PCDH15: variants seen among roughly 807,000 people sequenced by gnomAD.
The protein encoded by PCDH15 is protocadherin-15.
PCDH15 carries 129 observed loss-of-function variants against 178.5 expected under a neutral mutation model. That is an observed-to-expected ratio of 0.72 (90% CI 0.63 to 0.84). The LOEUF is 0.84. Among genes scored for constraint, PCDH15 ranks in the 40% least tolerant of loss-of-function variants. The probability of loss-of-function intolerance (pLI) is 0.00; values close to 1 mark genes in which losing one functional copy is unlikely to be tolerated. For synonymous variants in PCDH15, 800 were observed against 732.0 expected (o/e 1.09, Z -1.50); for missense variants, 2,230 against 2,099.9 (o/e 1.06, Z -1.21).
At position 54,229,808 on chromosome 10, in the gene PCDH15, C is replaced by T. The variant is rs560445255; in HGVS notation, c.985+7015G>A. Among the ~76,000 whole-genome samples the T allele has an allele frequency of 7.9e-5, 12 of 152,152 alleles. No individual in the cohort carries two copies. In the East Asian group the frequency reaches 1.9e-3, roughly 24 times the overall value. On this transcript the variant is annotated intron_variant, in intron 9 of 37. Coordinates refer to ENST00000644397, the MANE Select transcript of PCDH15 (RefSeq NM_001384140.1). ...TATGTCTTTATCAGCAGCATGAAAA[C>T]GGAATAATATACTAACATACACACA...
intron 2 of PCDH15, among the ~76,000 whole-genome samples, chr10:54,634,839 T>C (rs1363725843): frequency 6.6e-6 from 1 of 151,984 alleles, no homozygotes; most frequent in Non-Finnish European, 1.5e-5. Flanking sequence ...TTATCCATGC[T>C]CCTAAAATGC....
intron 8 of PCDH15, among the ~76,000 whole-genome samples, chr10:54,303,393 T>G (rs1010949422): frequency 7.2e-5 from 11 of 152,186 alleles, no homozygotes; most frequent in Admixed American, 2.0e-4. Context: ...ATCCCATATG[T>G]ACATATATAT....
intron 2 of PCDH15, among the ~76,000 whole-genome samples, chr10:55,432,351 G>T (rs949120748): frequency 6.6e-6 from 1 of 152,160 alleles, no homozygotes; most frequent in Admixed American, 6.5e-5. Context: ...TGTTTTAATA[G>T]ATTTTGATTT....
At chr10:54,038,980 G>A (rs1261177591) in intron 18 of PCDH15, among the ~76,000 whole-genome samples, 1 of 151,866 alleles carries the variant, frequency 6.6e-6, no homozygotes, top group East Asian at 1.9e-4. Flanking sequence ...TTCCACCCCT[G>A]TGCCCAGAGA....
At chr10:55,528,642 T>C (rs1433666885) in intron 2 of PCDH15, among the ~76,000 whole-genome samples, 2 of 152,128 alleles carry the variant, frequency 1.3e-5, no homozygotes, top group Non-Finnish European at 2.9e-5. Flanking sequence ...GACATTTGGG[T>C]TGGTTCCAAG....
intron 2 of PCDH15, among the ~76,000 whole-genome samples, chr10:55,622,713 C>T (rs1837432267): frequency 1.3e-5 from 2 of 152,292 alleles, no homozygotes; most frequent in South Asian, 4.1e-4. Context: ...AAAGTAATCA[C>T]TTCTCACCAG....
Position 55,304,212 on chromosome 10 carries a change from T to C in PCDH15, c.-156+15387A>G, listed in dbSNP as rs531076308. 2.0e-5 allele frequency among the ~76,000 whole-genome samples: 3 copies of C among 152,258 alleles called. No individual in the cohort carries two copies. In the East Asian group the frequency reaches 5.8e-4, roughly 29 times the overall value. On this transcript the variant is annotated intron_variant, in intron 1 of 5. Coordinates refer to the PCDH15 transcript ENST00000458638. The stretch of plus-strand genomic sequence containing the variant: ...GCAAGTAGGGCCTAAAGGTTTTCTG[T>C]CATGCTCAGCTGCACTTTTCCTGGT...
At chr10:55,571,226 T>A (rs1842402964) in intron 2 of PCDH15, among the ~76,000 whole-genome samples, 1 of 152,154 alleles carries the variant, frequency 6.6e-6, no homozygotes, top group Admixed American at 6.6e-5. Context: ...GCTCCCACTT[T>A]GCCTTTCACC....
At chr10:54,016,845 T>C (rs2092756350) in intron 20 of PCDH15, among the ~76,000 whole-genome samples, 1 of 152,146 alleles carries the variant, frequency 6.6e-6, no homozygotes, top group African/African-American at 2.4e-5. Context: ...ACAATTTACC[T>C]GTATAACAAA....
chr10:54,090,079 A>G lies in PCDH15; in HGVS notation c.1918-16T>C, dbSNP rs1384474871. 6.3e-7 allele frequency: 1 copy of G among 1,588,652 alleles called. No homozygotes were observed. The highest frequency in any genetic ancestry group is 1.7e-5 in the Admixed American group (1 of 59,920). On this transcript the variant is annotated splice_polypyrimidine_tract_variant and intron_variant, in intron 15 of 37. Coordinates refer to ENST00000644397, the MANE Select transcript of PCDH15 (RefSeq NM_001384140.1). ...GATCAGTTGCCTTCAGAGAGAAAACATAATTCAATTATCAAGTAATTGATA... is the reference window on the plus strand; with the variant it reads ...GATCAGTTGCCTTCAGAGAGAAAACGTAATTCAATTATCAAGTAATTGATA...
intron 8 of PCDH15, among the ~76,000 whole-genome samples, chr10:54,275,251 A>G (rs996257596): frequency 4.6e-5 from 7 of 151,916 alleles, no homozygotes; most frequent in African/African-American, 1.4e-4. Flanking sequence ...ATATGGAAAC[A>G]GTGCTTCTTA....
chr10:54,617,363 A>T (rs2093199529), intron 2 of PCDH15, among the ~76,000 whole-genome samples: 1 of 152,138 alleles, frequency 6.6e-6, no homozygotes, highest in Admixed American at 6.6e-5. Flanking sequence ...CTTATTTGTG[A>T]ATCTGCTTTT....
At chr10:54,985,627 G>A (rs1247051206) in intron 2 of PCDH15, among the ~76,000 whole-genome samples, 1 of 152,192 alleles carries the variant, frequency 6.6e-6, no homozygotes, top group Non-Finnish European at 1.5e-5. Context: ...TGACTGACTA[G>A]AAGCTGTGGC....
At chr10:54,070,007 A>T (rs1320724306) in intron 17 of PCDH15, among the ~76,000 whole-genome samples, 7 of 152,214 alleles carry the variant, frequency 4.6e-5, no homozygotes, top group African/African-American at 1.7e-4. Context: ...TTGCTCACTG[A>T]TTATTTCCTC....
chr10:54,777,605 A>G lies in PCDH15; in HGVS notation c.-29+23320T>C, dbSNP rs1396122458. ...ATAAGACTTGAGTTGCTTCATCTTA[A>G]GCATCCATCCAATTTCAGTACATGG... On this transcript the variant is annotated intron_variant, in intron 1 of 37. Coordinates refer to ENST00000644397, the MANE Select transcript of PCDH15 (RefSeq NM_001384140.1). 2.0e-5 allele frequency among the ~76,000 whole-genome samples: 3 copies of G among 152,136 alleles called. No homozygotes were observed. The East Asian group carries it at 5.8e-4, about 29-fold the overall frequency.
intron 1 of PCDH15, among the ~76,000 whole-genome samples, chr10:55,264,385 A>C (rs1187465215): frequency 6.6e-6 from 1 of 152,020 alleles, no homozygotes; most frequent in Admixed American, 6.5e-5. Flanking sequence ...GGGAACTCAC[A>C]GGTTGTTGGC....
chr10:55,266,927 T>G (rs935658283), intron 1 of PCDH15, among the ~76,000 whole-genome samples: 5 of 152,176 alleles, frequency 3.3e-5, no homozygotes, highest in Non-Finnish European at 4.4e-5. Flanking sequence ...ACATGCCCAC[T>G]GGGGCTTCAG....
intron 21 of PCDH15, among the ~76,000 whole-genome samples, chr10:53,968,102 A>G (rs1252344791): frequency 6.6e-6 from 1 of 152,168 alleles, no homozygotes; most frequent in African/African-American, 2.4e-5. Context: ...CCTTTCCTAG[A>G]CAAGGGAAGC....
rs1364558156 is a variant in PCDH15, at chr10:55,507,932, G to T, written c.-156+119693C>A. On this transcript the variant is annotated intron_variant, in intron 2 of 5. Transcript: ENST00000613346. Reference sequence around the variant, plus strand: ...TGTAATCATTGTGCCACTTTTCAGAGATAAAAATAACCTAAGGTATATCTA... The same window carrying T: ...TGTAATCATTGTGCCACTTTTCAGATATAAAAATAACCTAAGGTATATCTA... Among the ~76,000 whole-genome samples the T allele has an allele frequency of 4.0e-5, 6 of 151,438 alleles. No homozygotes were observed. The East Asian group carries it at 1.2e-3, about 29-fold the overall frequency.
Sources: allele counts gnomAD v4.1 joint callset (sites outside exome capture counted in the v4.1 genomes callset), GRCh38; gene constraint gnomAD v4.1.1; transcripts MANE v1.5; gene names NCBI Gene and HGNC (gene_info 2026-07-23, HGNC 2026-07-21).